The following TMED6 variants were observed in gnomAD, a reference collection of about 807,000 sequenced individuals.
The protein encoded by TMED6 is transmembrane p24 trafficking protein 6, also known as transmembrane emp24 domain-containing protein 6.
Under a neutral mutation model 26.5 loss-of-function variants are expected in TMED6, and 17 were observed. The ratio of observed to expected loss-of-function variants is 0.64; its 90% CI spans 0.44 to 0.96. The LOEUF is 0.96. Ranked by LOEUF, TMED6 falls within the 40% of genes least tolerant of loss-of-function variation. The pLI is 0.00. For missense variants in TMED6, 309 were observed against 296.5 expected (o/e 1.04, Z -0.31); for synonymous variants, 107 against 106.2 (o/e 1.01, Z -0.04).
In TMED6 at chr16:69,351,639, C is replaced by T. The variant is rs760655324; in HGVS notation, c.115G>A (p.Ala39Thr). The T allele has an allele frequency of 1.9e-6, 3 of 1,613,980 alleles. No homozygotes were observed. The highest frequency in any genetic ancestry group is 2.2e-5 in the South Asian group (2 of 91,076). ...GSGDQPLFRG[A>T]DRYDFAIMIP... ...ATGATGGCAAAGTCATATCGATCAG[C>T]TCCACGGAAGAGTGGCTGGTCCCCA... The change falls in exon 1 of 4, where the codon GCT becomes ACT. Residue 39 changes from alanine (A) to threonine (T), a missense_variant. By Grantham distance (58) the Ala-to-Thr change is moderately conservative (BLOSUM62 0). Transcript: ENST00000288025.
rs1377362887 is a variant in TMED6 at position 69,351,581 on chromosome 16, T to C, written c.173A>G (p.Gln58Arg). The C allele has an allele frequency of 1.2e-6, 2 of 1,614,072 alleles. No individual in the cohort carries two copies. Among genetic ancestry groups the C allele is most frequent in the Non-Finnish European group, 1.7e-6 (2 of 1,180,014 alleles). The change falls in exon 1 of 4, where the codon CAA (glutamine) becomes CGA (arginine). Residue 58 changes from glutamine (Q) to arginine (R), a missense_variant. Physicochemically the swap from Gln to Arg is conservative, Grantham distance 43 (BLOSUM62 1). Transcript: ENST00000288025. ...IPPGGTECFWQFAHQTGYFYF... is the reference protein window; with the variant it reads ...IPPGGTECFWRFAHQTGYFYF... Reference sequence around the variant, plus strand: ...GAAGTATCCAGTCTGGTGGGCAAATTGCCAAAAGCATTCCGTGCCTCCTGG... The same window carrying C: ...GAAGTATCCAGTCTGGTGGGCAAATCGCCAAAAGCATTCCGTGCCTCCTGG...
intron 3 of TMED6, among the ~76,000 whole-genome samples, chr16:69,344,212 A>T (rs944263526): frequency 6.6e-6 from 1 of 152,124 alleles, no homozygotes; most frequent in African/African-American, 2.4e-5. Context: ...ATTTAGATGT[A>T]CTCAGCATGT....
chr16:69,351,245 C>T (rs915299133), intron 1 of TMED6, among the ~76,000 whole-genome samples: 3 of 152,302 alleles, frequency 2.0e-5, no homozygotes, highest in East Asian at 1.9e-4. Context: ...TCTCTCCCCT[C>T]TCATCCCCAA....
chr16:69,349,166 T>G (rs1388625454), intron 2 of TMED6, among the ~76,000 whole-genome samples: 1 of 152,244 alleles, frequency 6.6e-6, no homozygotes, highest in African/African-American at 2.4e-5. Flanking sequence ...GACTCAAATA[T>G]TCTGATGACT....
chr16:69,347,522 G>A (rs1216586135), intron 3 of TMED6, among the ~76,000 whole-genome samples: 3 of 152,150 alleles, frequency 2.0e-5, no homozygotes, highest in Non-Finnish European at 4.4e-5. Context: ...ACCACGCCCA[G>A]CTAATTTTTG....
chr16:69,346,858 A>C (rs990653328), intron 3 of TMED6, among the ~76,000 whole-genome samples: 2 of 152,168 alleles, frequency 1.3e-5, no homozygotes, highest in African/African-American at 4.8e-5. Flanking sequence ...AGTGCTGATT[A>C]ATCTCGGCAC....
intron 1 of TMED6, among the ~76,000 whole-genome samples, chr16:69,350,889 T>C (rs2012765044): frequency 6.6e-6 from 1 of 152,214 alleles, no homozygotes; most frequent in African/African-American, 2.4e-5. Flanking sequence ...ATTAGAAAGT[T>C]AACCGATTTC....
intron 1 of TMED6, among the ~76,000 whole-genome samples, chr16:69,351,027 A>C (rs1479969862): frequency 2.0e-5 from 3 of 151,650 alleles, no homozygotes; most frequent in Admixed American, 2.0e-4. Context: ...ACTTGAAAAC[A>C]CTTACCGTCC....
chr16:69,346,348 A>G (rs1457369771), intron 3 of TMED6, among the ~76,000 whole-genome samples: 1 of 152,246 alleles, frequency 6.6e-6, no homozygotes, highest in African/African-American at 2.4e-5. Flanking sequence ...CATCATGTCC[A>G]TTAACTGATG....
intron 1 of TMED6, among the ~76,000 whole-genome samples, chr16:69,351,248 A>G (rs555297061): frequency 3.4e-4 from 51 of 152,230 alleles, no homozygotes; most frequent in South Asian, 1.2e-3. Context: ...CTCCCCTCTC[A>G]TCCCCAAATC....
In TMED6 at chr16:69,343,371, A is replaced by T; in HGVS notation, c.*36T>A. 1.3e-6 allele frequency: 2 copies of T among 1,565,076 alleles called. No individual in the cohort carries two copies. Among genetic ancestry groups the T allele is most frequent in the Non-Finnish European group, 1.7e-6 (2 of 1,144,600 alleles). ...TACAAAGCTGATTCGACTAAGCCCCAGAAGAAAACAGCCAGGGTGCTATAG... is the reference window on the plus strand; with the variant it reads ...TACAAAGCTGATTCGACTAAGCCCCTGAAGAAAACAGCCAGGGTGCTATAG... On this transcript the variant is annotated 3_prime_UTR_variant, in exon 4 of 4. Coordinates refer to ENST00000288025, the MANE Select transcript of TMED6 (RefSeq NM_144676.4).
At position 69,349,561 on chromosome 16, in the gene TMED6, C is replaced by A. The variant is rs1272614914; in HGVS notation, c.304G>T (p.Val102Phe). 6.2e-7 allele frequency: 1 copy of A among 1,613,972 alleles called. No homozygotes were observed. Among genetic ancestry groups the A allele is most frequent in the Non-Finnish European group, 8.5e-7 (1 of 1,179,952 alleles). The change falls in exon 2 of 4, where the codon GTT becomes TTT. Residue 102 changes from valine to phenylalanine, a missense_variant. By Grantham distance (50) the Val-to-Phe change is conservative. Transcript: ENST00000288025. ...GTAGAGAAGTTAATCTGGCCCCGAA[C>A]ACCCTGGGAGGTGTCTATGAGAAAT... ...QGFLIDTSQG[V>F]RGQINFSTQE...
rs144235543 is a variant in TMED6, at chr16:69,345,534, G to A, written c.490-1894C>T. 7.4e-3 allele frequency among the ~76,000 whole-genome samples: 1,110 copies of A among 150,894 alleles called. 8 individuals carry two copies. The highest frequency in any genetic ancestry group is 0.023 in the African/African-American group (956 of 41,134). On this transcript the variant is annotated intron_variant, in intron 3 of 3. Coordinates refer to ENST00000288025, the MANE Select transcript of TMED6 (RefSeq NM_144676.4). ...CCCGTCTCTACTAAAAATACAAAAT[G>A]TAGGTGGGCGTGGTGGCACGTGGCT...
At chr16:69,350,948 T>C (rs1414281041) in intron 1 of TMED6, among the ~76,000 whole-genome samples, 3 of 152,124 alleles carry the variant, frequency 2.0e-5, no homozygotes, top group Non-Finnish European at 2.9e-5. Flanking sequence ...TCATACTGAG[T>C]TCACCATCCT....
chr16:69,347,206 T>G (rs111449287), intron 3 of TMED6, among the ~76,000 whole-genome samples: 6 of 152,296 alleles, frequency 3.9e-5, no homozygotes, highest in African/African-American at 1.4e-4. Context: ...GTGAATATAC[T>G]AAAAAACCAC....
chr16:69,345,096 T>TATAA (rs143814917), intron 3 of TMED6, among the ~76,000 whole-genome samples: 15,244 of 150,662 alleles, frequency 0.1, 1,036 homozygotes, highest in Admixed American at 0.19. Context: ...CTCAAAAAAA[T>TATAA]ATAAATAAAT....
In TMED6 at chr16:69,347,895, C is replaced by T. The variant is rs974633294; in HGVS notation, c.382G>A (p.Gly128Ser). The T allele has an allele frequency of 1.3e-5, 21 of 1,613,924 alleles. No individual in the cohort carries two copies. The East Asian group carries it at 1.8e-4, about 14-fold the overall frequency. The change falls in exon 3 of 4, where the codon GGT (glycine) becomes AGT (serine). Residue 128 changes from glycine (G) to serine (S), a missense_variant. Coordinates refer to ENST00000288025, the MANE Select transcript of TMED6 (RefSeq NM_144676.4). ...AAGTTGAGGTACACTTGCACAGAAC[C>T]GAAGTGATTATGCTGATTACTTAGA... ...LCLSNQHNHF[G>S]SVQVYLNFGV...
intron 3 of TMED6, among the ~76,000 whole-genome samples, chr16:69,344,627 G>C (rs1195090059): frequency 6.6e-6 from 1 of 151,642 alleles, no homozygotes; most frequent in Non-Finnish European, 1.5e-5. Context: ...ACAAAAATTA[G>C]CCAGGTGTGG....
At chr16:69,347,656 A>T in intron 3 of TMED6, 132 bp downstream of exon 3, 1 of 1,359,272 alleles carries the variant, frequency 7.4e-7, no homozygotes, top group Non-Finnish European at 1.0e-6. Flanking sequence ...CACCGTGCCC[A>T]GCCAAGTCAT....
Sources: gnomAD v4.1 joint callset for allele counts (sites outside exome capture counted in the v4.1 genomes callset) on GRCh38, gnomAD v4.1.1 for gene constraint, MANE v1.5 for transcripts, NCBI Gene and HGNC (gene_info 2026-07-23, HGNC 2026-07-21) for gene names.